Variants in L3MBTL3 observed in about 807,000 individuals in gnomAD.
The protein encoded by L3MBTL3 is L3MBTL histone methyl-lysine binding protein 3, also known as lethal(3)malignant brain tumor-like protein 3.
A neutral mutation model predicts 102.3 loss-of-function variants in L3MBTL3; 27 were observed. The observed-to-expected ratio is 0.26, with a 90% CI of 0.19 to 0.36. The LOEUF (loss-of-function observed/expected upper bound fraction) is 0.36, where lower values mean the gene tolerates loss of function less well. Among genes scored for constraint, L3MBTL3 ranks in the 10% least tolerant of loss-of-function variants. The pLI, the probability that L3MBTL3 is intolerant of heterozygous loss-of-function variation, is 1.00. For missense variants in L3MBTL3, 798 were observed against 955.3 expected (o/e 0.84, Z 2.17); for synonymous variants, 340 against 320.9 (o/e 1.06, Z -0.64).
intron 20 of L3MBTL3, among the ~76,000 whole-genome samples, chr6:130,130,174 T>C (rs941070627): frequency 1.3e-5 from 2 of 152,242 alleles, no homozygotes; most frequent in African/African-American, 4.8e-5. Flanking sequence ...AGGGCTTTGG[T>C]GTTTTTAGTC....
intron 16 of L3MBTL3, among the ~76,000 whole-genome samples, chr6:130,088,227 A>C (rs1462785467): frequency 6.6e-6 from 1 of 152,214 alleles, no homozygotes; most frequent in Non-Finnish European, 1.5e-5. Flanking sequence ...AATTAATTTC[A>C]TAGCTGAAGA....
chr6:130,120,097 T>C (rs1786031645), intron 19 of L3MBTL3, among the ~76,000 whole-genome samples: 1 of 152,174 alleles, frequency 6.6e-6, no homozygotes, highest in African/African-American at 2.4e-5. Flanking sequence ...TATAAAGCAC[T>C]AAAGTGTGTA....
intron 2 of L3MBTL3, among the ~76,000 whole-genome samples, chr6:130,023,795 A>G (rs1024945292): frequency 6.6e-6 from 1 of 152,194 alleles, no homozygotes; most frequent in Non-Finnish European, 1.5e-5. Context: ...TAGTGATTTA[A>G]CACTTGGCTA....
intron 5 of L3MBTL3, among the ~76,000 whole-genome samples, chr6:130,050,525 G>C (rs1308235046): frequency 6.6e-6 from 1 of 152,156 alleles, no homozygotes; most frequent in Non-Finnish European, 1.5e-5. Flanking sequence ...CTTACCCCAG[G>C]CTGAATGAAT....
chr6:130,124,411 T>C (rs897235347), intron 20 of L3MBTL3, among the ~76,000 whole-genome samples: 1 of 152,146 alleles, frequency 6.6e-6, no homozygotes, highest in African/African-American at 2.4e-5. Context: ...CAAACCAAAA[T>C]ATCCCTTTAT....
chr6:130,046,323 A>C (rs1418514212), intron 3 of L3MBTL3, among the ~76,000 whole-genome samples: 1 of 152,200 alleles, frequency 6.6e-6, no homozygotes, highest in Non-Finnish European at 1.5e-5. Flanking sequence ...GCTTTGATTA[A>C]TGTTGAAAAC....
intron 16 of L3MBTL3, among the ~76,000 whole-genome samples, chr6:130,087,120 C>T (rs6926218): frequency 0.94 from 143,635 of 152,116 alleles, 68,209 homozygotes; most frequent in Middle Eastern, 1. Context: ...AAGTTTATGC[C>T]CTTTTTAAAA....
At chr6:130,089,065 TTTA>T (rs566393323) in intron 16 of L3MBTL3, among the ~76,000 whole-genome samples, 13 of 151,688 alleles carry the variant, frequency 8.6e-5, no homozygotes, top group South Asian at 6.3e-4. Flanking sequence ...ACTCTATCTT[TTTA>T]TTATTATTAT....
chr6:130,028,763 T>C lies in L3MBTL3; in HGVS notation c.-16+6458T>C, dbSNP rs115263742. Among the ~76,000 whole-genome samples the C allele has an allele frequency of 3.4e-3, 523 of 152,366 alleles. 2 individuals are homozygous for C. Among genetic ancestry groups the C allele is most frequent in the African/African-American group, 0.012 (484 of 41,588 alleles). ...AAGTGTGAGTTTAGATTTTCTCTTA[T>C]CCTTATTGAATAAGTCTGTTTAAGA... On this transcript the variant is annotated intron_variant, in intron 2 of 22. Transcript: ENST00000361794.
At chr6:130,091,843 G>T (rs1291668658) in intron 16 of L3MBTL3, among the ~76,000 whole-genome samples, 1 of 151,896 alleles carries the variant, frequency 6.6e-6, no homozygotes, top group South Asian at 2.1e-4. Flanking sequence ...AATAAGGGTT[G>T]CCAGAGCCTG....
At chr6:130,117,930 C>T (rs765702900) in intron 19 of L3MBTL3, among the ~76,000 whole-genome samples, 14 of 132,182 alleles carry the variant, frequency 1.1e-4, no homozygotes, top group Non-Finnish European at 1.7e-4. Context: ...AGGCTGGCCT[C>T]GAATTCCTGG....
intron 17 of L3MBTL3, among the ~76,000 whole-genome samples, chr6:130,093,106 A>G (rs1241317139): frequency 1.3e-5 from 2 of 152,182 alleles, no homozygotes; most frequent in Admixed American, 1.3e-4. Flanking sequence ...ATCACCTTTT[A>G]CAATTAGTGT....
intron 18 of L3MBTL3, among the ~76,000 whole-genome samples, chr6:130,098,182 A>G (rs1188765109): frequency 6.6e-6 from 1 of 152,234 alleles, no homozygotes; most frequent in Non-Finnish European, 1.5e-5. Flanking sequence ...GTTTTCAGAA[A>G]CACCTAAAGG....
In L3MBTL3 at chr6:130,052,898, G is replaced by T; in HGVS notation, c.489G>T (p.Glu163Asp). The T allele has an allele frequency of 6.2e-7, 1 of 1,613,882 alleles. No homozygotes were observed. Among genetic ancestry groups the T allele is most frequent in the South Asian group, 1.1e-5 (1 of 91,066 alleles). ...KEERDVEEDN[E>D]EEDPKCSRKK... ...AAAGGGACGTAGAAGAAGACAATGA[G>T]GAAGAAGATCCTAAGTGTAGTCGGA... Residue 163 changes from glutamate to aspartate, a missense_variant, in exon 7 of 23, where the codon GAG (glutamate) becomes GAT (aspartate). Physicochemically the swap from Glu to Asp is conservative, Grantham distance 45 (BLOSUM62 2). Transcript: ENST00000361794.
chr6:130,118,357 T>C (rs1369033796), intron 19 of L3MBTL3, among the ~76,000 whole-genome samples: 1 of 152,230 alleles, frequency 6.6e-6, no homozygotes, highest in Non-Finnish European at 1.5e-5. Flanking sequence ...CTTTGGCTCA[T>C]ACTGTGTTCT....
chr6:130,071,936 AAAG>A (rs1346842607), intron 13 of L3MBTL3, among the ~76,000 whole-genome samples: 1 of 152,148 alleles, frequency 6.6e-6, no homozygotes, highest in East Asian at 1.9e-4. Flanking sequence ...ATTGTTTAAA[AAAG>A]AAGAGATGTT....
intron 13 of L3MBTL3, among the ~76,000 whole-genome samples, chr6:130,072,940 T>G (rs1270027753): frequency 6.6e-6 from 1 of 152,194 alleles, no homozygotes; most frequent in Non-Finnish European, 1.5e-5. Flanking sequence ...TCCTCTCCTT[T>G]CTTCCTCGTT....
At chr6:130,111,492 C>T (rs1044093676) in intron 19 of L3MBTL3, among the ~76,000 whole-genome samples, 1 of 152,222 alleles carries the variant, frequency 6.6e-6, no homozygotes, top group Non-Finnish European at 1.5e-5. Context: ...TGAAGTGAAG[C>T]TGTGGGCTGT....
intron 19 of L3MBTL3, among the ~76,000 whole-genome samples, chr6:130,110,537 T>A (rs1164822483): frequency 6.6e-6 from 1 of 152,234 alleles, no homozygotes; most frequent in Non-Finnish European, 1.5e-5. Context: ...TTTTTGCACA[T>A]TGATTTTGTA....
Sources: allele counts gnomAD v4.1 joint callset (sites outside exome capture counted in the v4.1 genomes callset), GRCh38; gene constraint gnomAD v4.1.1; transcripts MANE v1.5; gene names NCBI Gene and HGNC (gene_info 2026-07-23, HGNC 2026-07-21).